KIAA0040: variants seen among roughly 807,000 people sequenced by gnomAD.
KIAA0040 encodes the protein KIAA0040, also known as uncharacterized protein KIAA0040.
Under a neutral mutation model 7.2 loss-of-function variants are expected in KIAA0040, and 10 were observed. The ratio of observed to expected loss-of-function variants is 1.38; its 90% confidence interval spans 0.85 to 2.34. The LOEUF (loss-of-function observed/expected upper bound fraction) is 2.34. Among genes scored for constraint, KIAA0040 ranks in the 30% most tolerant of loss-of-function variants. The pLI is 0.00. For synonymous variants in KIAA0040, 49 were observed against 40.1 expected, an observed-to-expected ratio of 1.22 and a Z score of -0.84; for missense variants, 89 against 108.2, an observed-to-expected ratio of 0.82 and a Z score of 0.79.
intron 3 of KIAA0040, among the ~76,000 whole-genome samples, chr1:175,161,826 G>C (rs1480230185): frequency 1.3e-5 from 2 of 152,112 alleles, no homozygotes; most frequent in African/African-American, 4.8e-5. Flanking sequence ...AGAACCAGGG[G>C]TGACCATTTG....
At chr1:175,165,422 A>C (rs1416518649) in intron 3 of KIAA0040, among the ~76,000 whole-genome samples, 1 of 152,248 alleles carries the variant, frequency 6.6e-6, no homozygotes, top group Non-Finnish European at 1.5e-5. Context: ...GTTATCTTGA[A>C]ATAACAATGG....
At chr1:175,191,306 T>G (rs188218365) in intron 1 of KIAA0040, among the ~76,000 whole-genome samples, 140 of 152,312 alleles carry the variant, frequency 9.2e-4, no homozygotes, top group African/African-American at 3.2e-3. Flanking sequence ...TTCTCTTGGG[T>G]TTAGTCTTTA....
chr1:175,176,704 T>TTTTTTTTTTTTTCC (rs1677212753), intron 2 of KIAA0040, among the ~76,000 whole-genome samples: 1 of 98,376 alleles, frequency 1.0e-5, no homozygotes, highest in Non-Finnish European at 2.2e-5. Context: ...TTTTTTTGCT[T>TTTTTTTTTTTTTCC]CAGCACCTTC....
At position 175,161,053 on chromosome 1, in the gene KIAA0040, T is replaced by C; in HGVS notation, c.-40A>G. The C allele has an allele frequency of 2.6e-6, 4 of 1,512,508 alleles. No individual in the cohort carries two copies. The highest frequency in any genetic ancestry group is 3.6e-6 in the Non-Finnish European group (4 of 1,126,594). The allele number at this position is 1,512,508 out of a possible 1,614,324, so 93.7% of individuals were successfully genotyped here. A position where few individuals can be genotyped will look rare whatever the true frequency, so the allele number is the denominator to read the frequency against. Reference sequence around the variant, plus strand: ...TTAGGGCCAGAGAACCCTCTCGGCTTACAAGCAGGTCCTGGGCTCAAAAGG... The same window carrying C: ...TTAGGGCCAGAGAACCCTCTCGGCTCACAAGCAGGTCCTGGGCTCAAAAGG... On this transcript the variant is annotated 5_prime_UTR_variant, in exon 4 of 4. It removes the in-frame stop codon of an upstream open reading frame in the 5' UTR. Coordinates refer to ENST00000423313, the MANE Select transcript of KIAA0040 (RefSeq NM_014656.3).
chr1:175,165,900 T>C (rs1488948869), intron 3 of KIAA0040, among the ~76,000 whole-genome samples: 1 of 100,830 alleles, frequency 9.9e-6, no homozygotes, highest in Non-Finnish European at 2.0e-5. Flanking sequence ...CCTCTCATTG[T>C]TCTTGTTTTT....
At chr1:175,162,531 C>T (rs1247763804) in intron 3 of KIAA0040, among the ~76,000 whole-genome samples, 1 of 152,100 alleles carries the variant, frequency 6.6e-6, no homozygotes, top group African/African-American at 2.4e-5. Context: ...CTTTTCTAAT[C>T]ATTTTCATCT....
intron 1 of KIAA0040, among the ~76,000 whole-genome samples, chr1:175,184,961 A>T (rs1265509617): frequency 6.6e-6 from 1 of 152,178 alleles, no homozygotes; most frequent in Non-Finnish European, 1.5e-5. Context: ...GCAGCTGCAG[A>T]TTTCCTTTGC....
chr1:175,190,161 G>A (rs1677813680), intron 1 of KIAA0040, among the ~76,000 whole-genome samples: 1 of 152,212 alleles, frequency 6.6e-6, no homozygotes. Context: ...ATGGAGGAGT[G>A]ATAATTAAAT....
chr1:175,185,009 C>G (rs898704736), intron 1 of KIAA0040, among the ~76,000 whole-genome samples: 3 of 152,130 alleles, frequency 2.0e-5, no homozygotes, highest in Non-Finnish European at 2.9e-5. Context: ...TCGTGGAGAC[C>G]TCAATTTCTT....
At chr1:175,168,661 C>T (rs1676868615) in intron 2 of KIAA0040, among the ~76,000 whole-genome samples, 1 of 152,184 alleles carries the variant, frequency 6.6e-6, no homozygotes, top group Non-Finnish European at 1.5e-5. Context: ...AAAGAGACTG[C>T]ATCTTGCGGG....
chr1:175,176,040 A>T (rs958258074), intron 2 of KIAA0040, among the ~76,000 whole-genome samples: 1 of 152,238 alleles, frequency 6.6e-6, no homozygotes, highest in Admixed American at 6.5e-5. Context: ...ATAAAAATAA[A>T]AAAATAAAAC....
intron 1 of KIAA0040, among the ~76,000 whole-genome samples, chr1:175,187,983 C>A (rs745815739): frequency 6.6e-6 from 1 of 152,126 alleles, no homozygotes; most frequent in Non-Finnish European, 1.5e-5. Flanking sequence ...TAAAATGTAA[C>A]TGAAAAACAT....
chr1:175,160,942 G>T lies in KIAA0040; in HGVS notation c.72C>A (p.Tyr24Ter). 6.4e-7 allele frequency: 1 copy of T among 1,551,602 alleles called. No homozygotes were observed. The highest frequency in any genetic ancestry group is 8.7e-7 in the Non-Finnish European group (1 of 1,146,974). The part of the protein sequence containing the change: ...TILTKHQEGI[Y>*]NTICLGVLLG... ...GGAGGACTCCCAGGCAGATGGTGTTGTAGATGCCTTCTTGGTGTTTGGTCA... is the reference window on the plus strand; with the variant it reads ...GGAGGACTCCCAGGCAGATGGTGTTTTAGATGCCTTCTTGGTGTTTGGTCA... Residue 24 changes from tyrosine to a stop codon, truncating the protein, a stop_gained, in exon 4 of 4, where the codon TAC (tyrosine) becomes TAA (stop). Coordinates refer to ENST00000423313, the MANE Select transcript of KIAA0040 (RefSeq NM_014656.3). LOFTEE classifies it high-confidence loss of function.
intron 2 of KIAA0040, among the ~76,000 whole-genome samples, chr1:175,170,631 C>T (rs1407443057): frequency 1.3e-5 from 2 of 152,110 alleles, no homozygotes; most frequent in African/African-American, 2.4e-5. Context: ...TGGGCTTTAC[C>T]TCCCCACCCC....
chr1:175,175,367 C>A (rs1234048481), intron 2 of KIAA0040, among the ~76,000 whole-genome samples: 1 of 151,142 alleles, frequency 6.6e-6, no homozygotes, highest in Non-Finnish European at 1.5e-5. Flanking sequence ...ATTAAAAAGT[C>A]AGGAAACAAC....
At chr1:175,166,297 T>C (rs1303613709) in intron 3 of KIAA0040, among the ~76,000 whole-genome samples, 1 of 152,220 alleles carries the variant, frequency 6.6e-6, no homozygotes, top group African/African-American at 2.4e-5. Context: ...GACAGCAGGA[T>C]GGACTGTTGG....
chr1:175,188,879 C>T (rs1487121786), intron 1 of KIAA0040, among the ~76,000 whole-genome samples: 1 of 152,192 alleles, frequency 6.6e-6, no homozygotes, highest in South Asian at 2.1e-4. Context: ...CACCTTTCCA[C>T]AGGCATTTGA....
intron 2 of KIAA0040, among the ~76,000 whole-genome samples, chr1:175,168,962 G>T (rs1178316229): frequency 1.3e-5 from 2 of 152,170 alleles, no homozygotes. Context: ...GAGCATCCAG[G>T]GGAGGACTCC....
chr1:175,161,180 T>C (rs1201001096), intron 3 of KIAA0040, 34 bp from the exon 4 acceptor site: 1 of 585,210 alleles, frequency 1.7e-6, no homozygotes, highest in Non-Finnish European at 3.0e-6. Context: ...TGAAGAGAAA[T>C]GCAGGGGGAC....
Sources: gnomAD v4.1 joint callset for allele counts (sites outside exome capture counted in the v4.1 genomes callset) on GRCh38, gnomAD v4.1.1 for gene constraint, MANE v1.5 for transcripts, NCBI Gene and HGNC (gene_info 2026-07-23, HGNC 2026-07-21) for gene names.